The following SNX25 variants were observed in gnomAD, a reference collection of about 807,000 sequenced individuals.
SNX25 encodes sorting nexin 25, also known as sorting nexin-25.
SNX25 carries 62 observed loss-of-function variants against 113.7 expected under a neutral mutation model. That is an observed-to-expected ratio of 0.55 (90% CI 0.44 to 0.67). SNX25 has a LOEUF of 0.67. Among genes scored for constraint, SNX25 ranks in the 30% least tolerant of loss-of-function variants. The pLI is 0.00. For missense variants in SNX25, 1,014 were observed against 1,161.0 expected (o/e 0.87, Z 1.84); for synonymous variants, 421 against 436.2 (o/e 0.97, Z 0.43).
At chr4:185,300,840 GACAC>G (rs58762122) in intron 6 of SNX25, among the ~76,000 whole-genome samples, 1,431 of 140,744 alleles carry the variant, frequency 0.01, 27 homozygotes, top group African/African-American at 0.035. Flanking sequence ...TGATTATTAT[GACAC>G]ACACACACAC....
intron 9 of SNX25, among the ~76,000 whole-genome samples, chr4:185,330,953 C>A (rs1399117913): frequency 6.6e-6 from 1 of 152,080 alleles, no homozygotes; most frequent in Non-Finnish European, 1.5e-5. Context: ...ACAGCAAATG[C>A]CGTAAAAGAG....
At chr4:185,221,572 C>G (rs1739865360) in intron 1 of SNX25, among the ~76,000 whole-genome samples, 1 of 152,138 alleles carries the variant, frequency 6.6e-6, no homozygotes, top group East Asian at 1.9e-4. Context: ...CAATTGGTCT[C>G]TGCCTCCATG....
chr4:185,339,184 TTTACA>T (rs1465112453), intron 10 of SNX25, among the ~76,000 whole-genome samples, 190 bp from the exon 11 acceptor site: 1 of 152,174 alleles, frequency 6.6e-6, no homozygotes, highest in Non-Finnish European at 1.5e-5. Context: ...CGCTTCCTTG[TTTACA>T]TTAATCCCTA....
At chr4:185,357,543 C>T (rs1250012518) in intron 15 of SNX25, 128 bp from the exon 16 acceptor site, 10 of 764,952 alleles carry the variant, frequency 1.3e-5, no homozygotes, top group South Asian at 6.6e-5. Context: ...CTGCAGATGT[C>T]ATAGCCATGA....
At chr4:185,221,413 C>T (rs1021767629) in intron 1 of SNX25, among the ~76,000 whole-genome samples, 2 of 152,102 alleles carry the variant, frequency 1.3e-5, no homozygotes, top group African/African-American at 4.8e-5. Flanking sequence ...GGACTCAAGC[C>T]ATCCTCCCAC....
intron 1 of SNX25, among the ~76,000 whole-genome samples, chr4:185,240,734 G>A (rs1209943716): frequency 3.9e-5 from 6 of 151,986 alleles, no homozygotes; most frequent in Admixed American, 2.0e-4. Context: ...GGTGGCTGCC[G>A]GGCGGAGACG....
At chr4:185,260,942 A>T (rs543282322) in intron 3 of SNX25, among the ~76,000 whole-genome samples, 1 of 152,098 alleles carries the variant, frequency 6.6e-6, no homozygotes. Context: ...GTGTTCACCA[A>T]CCTCTGCAAG....
chr4:185,219,007 T>A (rs1172686336), intron 1 of SNX25, among the ~76,000 whole-genome samples: 2 of 152,172 alleles, frequency 1.3e-5, no homozygotes, highest in African/African-American at 4.8e-5. Flanking sequence ...GTGTCCCATG[T>A]ATTTGGGGAT....
chr4:185,217,305 T>C (rs1423134095), intron 1 of SNX25, among the ~76,000 whole-genome samples: 1 of 152,028 alleles, frequency 6.6e-6, no homozygotes, highest in Non-Finnish European at 1.5e-5. Context: ...AAGTGAGAGT[T>C]AATGAAGCTG....
intron 6 of SNX25, among the ~76,000 whole-genome samples, chr4:185,302,702 G>A (rs1753883828): frequency 6.6e-6 from 1 of 152,220 alleles, no homozygotes; most frequent in South Asian, 2.1e-4. Context: ...CCAGCCTCCA[G>A]AGCTGTGCGG....
At chr4:185,249,403 A>T (rs544898877) in intron 2 of SNX25, among the ~76,000 whole-genome samples, 1 of 152,096 alleles carries the variant, frequency 6.6e-6, no homozygotes, top group African/African-American at 2.4e-5. Flanking sequence ...ACACCTTTTC[A>T]TGTGTTATTG....
At chr4:185,288,509 C>CT (rs920877294) in intron 6 of SNX25, among the ~76,000 whole-genome samples, 6 of 148,054 alleles carry the variant, frequency 4.1e-5, no homozygotes, top group South Asian at 4.3e-4. Context: ...CTTTTTTAAG[C>CT]TTTTTTTTAA....
Position 185,212,491 on chromosome 4 carries a change from GTT to G in SNX25, c.429+2250_429+2251del, listed in dbSNP as rs61204525. On this transcript the variant is annotated intron_variant, in intron 1 of 18. Coordinates refer to ENST00000652585, the MANE Select transcript of SNX25 (RefSeq NM_001378034.2). Reference sequence around the variant, plus strand: ...TGTGTGTGTGTGTGTGTGTGTGTGTGTTTTTTTTTTTTTTTGCTTTGAGACAG... The same window carrying G: ...TGTGTGTGTGTGTGTGTGTGTGTGTGTTTTTTTTTTTTTGCTTTGAGACAG... Among the ~76,000 whole-genome samples, 450 of 104,920 alleles carry G rather than the reference GTT, an allele frequency of 4.3e-3. 6 individuals are homozygous for G. The highest frequency in any genetic ancestry group is 0.012 in the African/African-American group (320 of 27,014). The allele number at this position is 104,920 out of a possible 152,430, so 68.8% of individuals were successfully genotyped here.
At chr4:185,281,145 A>T (rs769540061) in intron 5 of SNX25, among the ~76,000 whole-genome samples, 2 of 152,090 alleles carry the variant, frequency 1.3e-5, no homozygotes, top group Non-Finnish European at 2.9e-5. Flanking sequence ...TTGTTGGACT[A>T]GAGTGATCTT....
At chr4:185,348,648 C>T (rs1301597942) in intron 13 of SNX25, among the ~76,000 whole-genome samples, 2 of 152,186 alleles carry the variant, frequency 1.3e-5, no homozygotes, top group Non-Finnish European at 2.9e-5. Flanking sequence ...CAATCTGCCT[C>T]GGCCTCCCAG....
At chr4:185,298,340 C>T (rs141497378) in intron 6 of SNX25, among the ~76,000 whole-genome samples, 1 of 152,088 alleles carries the variant, frequency 6.6e-6, no homozygotes, top group Non-Finnish European at 1.5e-5. Context: ...TCACCCGCCT[C>T]GGCCTCCCAA....
chr4:185,372,782 A>C, downstream of SNX25: 6 of 1,298,860 alleles, frequency 4.6e-6, no homozygotes, highest in East Asian at 1.4e-4. Flanking sequence ...GTGAGAAATA[A>C]ATTTCTGTTT....
chr4:185,328,708 T>A (rs540487823), intron 9 of SNX25, among the ~76,000 whole-genome samples: 3 of 152,182 alleles, frequency 2.0e-5, no homozygotes, highest in African/African-American at 4.8e-5. Context: ...AGATCCCAGA[T>A]GCTATTTGAT....
At chr4:185,335,358 A>ACACAC (rs1491133826) in intron 10 of SNX25, among the ~76,000 whole-genome samples, 1 of 145,048 alleles carries the variant, frequency 6.9e-6, no homozygotes, top group African/African-American at 2.5e-5. Context: ...ACACACACAC[A>ACACAC]ACAAAAACAA....
Sources: allele counts gnomAD v4.1 joint callset (sites outside exome capture counted in the v4.1 genomes callset), GRCh38; gene constraint gnomAD v4.1.1; transcripts MANE v1.5; gene names NCBI Gene and HGNC (gene_info 2026-07-23, HGNC 2026-07-21).